Variants in ZFAT observed in about 807,000 individuals in gnomAD.
The protein encoded by ZFAT is zinc finger protein ZFAT.
In ZFAT, 64 loss-of-function variants were observed where a neutral mutation model predicts 117.7. That is an observed-to-expected ratio of 0.54 (90% CI 0.44 to 0.67). The LOEUF is 0.67. Among genes scored for constraint, ZFAT ranks in the 30% least tolerant of loss-of-function variants. ZFAT has a pLI of 0.00. For missense variants in ZFAT, 1,433 were observed against 1,584.5 expected (o/e 0.90, Z 1.62); for synonymous variants, 679 against 615.0 (o/e 1.10, Z -1.54).
At chr8:134,625,090 C>T (rs1201864540) in intron 3 of ZFAT, among the ~76,000 whole-genome samples, 1 of 152,198 alleles carries the variant, frequency 6.6e-6, no homozygotes, top group East Asian at 1.9e-4. Flanking sequence ...TGATTACACC[C>T]ACACTGATTC....
Position 134,544,226 on chromosome 8 carries a change from C to T in ZFAT, c.2977-11254G>A, listed in dbSNP as rs187881772. Among the ~76,000 whole-genome samples, 148 of 152,298 alleles carry T rather than the reference C, an allele frequency of 9.7e-4. 1 individual carries two copies. Among genetic ancestry groups the T allele is most frequent in the African/African-American group, 3.5e-3 (147 of 41,564 alleles). On this transcript the variant is annotated intron_variant, in intron 11 of 15. Coordinates refer to ENST00000377838, the MANE Select transcript of ZFAT (RefSeq NM_020863.4). ...CTCCAGGTCCGCCCTCCACAGGCTG[C>T]AAATCCTTTGAGAGTAGAGTCCACA... is the stretch of plus-strand genomic sequence containing the variant.
intron 11 of ZFAT, among the ~76,000 whole-genome samples, chr8:134,543,268 TAGTC>T (rs1315726654): frequency 6.7e-6 from 1 of 149,718 alleles, no homozygotes; most frequent in Non-Finnish European, 1.5e-5. Flanking sequence ...CTCTCTGTGA[TAGTC>T]AGCCGGGCAC....
At chr8:134,661,064 G>A (rs1049203608) in intron 1 of ZFAT, among the ~76,000 whole-genome samples, 1 of 152,236 alleles carries the variant, frequency 6.6e-6, no homozygotes, top group African/African-American at 2.4e-5. Context: ...AGAAGGCTCC[G>A]CCACGTGACG....
chr8:134,787,494 T>C, the ZFAT span, among the ~76,000 whole-genome samples: 1 of 152,344 alleles, frequency 6.6e-6, no homozygotes, highest in African/African-American at 2.4e-5. Flanking sequence ...GTTACTTTGT[T>C]CTATTTTGTT....
chr8:134,672,057 G>A (rs1368637754), intron 1 of ZFAT, among the ~76,000 whole-genome samples: 1 of 152,134 alleles, frequency 6.6e-6, no homozygotes, highest in Non-Finnish European at 1.5e-5. Context: ...GGGATGTGAA[G>A]GACCTCTTCA....
At chr8:134,795,437 C>A in the ZFAT span, 68 of 151,254 alleles carry the variant, frequency 4.5e-4, no homozygotes, top group African/African-American at 1.6e-3. Context: ...GGTGGATACC[C>A]CTATAATGAA....
At chr8:134,821,580 T>C in the ZFAT span, among the ~76,000 whole-genome samples, 1 of 151,900 alleles carries the variant, frequency 6.6e-6, no homozygotes, top group African/African-American at 2.4e-5. Flanking sequence ...TTTCCCTCAG[T>C]TTGGCAAAAA....
At chr8:134,480,257 C>T (rs1366645620) in intron 15 of ZFAT, among the ~76,000 whole-genome samples, 2 of 152,214 alleles carry the variant, frequency 1.3e-5, no homozygotes, top group Admixed American at 6.5e-5. Flanking sequence ...CCACTACACC[C>T]GGCCTCAACC....
At position 134,564,955 on chromosome 8, in the gene ZFAT, C is replaced by A. The variant is rs16905183; in HGVS notation, c.2976+378G>T. On this transcript the variant is annotated intron_variant, in intron 11 of 15. Transcript: ENST00000377838. Reference sequence around the variant, plus strand: ...TTTTTACAACTGCTTGCCGGGTGGGCTTCATCACACCTGCTTTATCGGGTG... The same window carrying A: ...TTTTTACAACTGCTTGCCGGGTGGGATTCATCACACCTGCTTTATCGGGTG... 3.3e-6 allele frequency: 4 copies of A among 1,219,462 alleles called. No homozygotes were observed. In the South Asian group the frequency reaches 6.0e-5, roughly 18 times the overall value. 75.5% of individuals were successfully genotyped at this position (1,219,462 alleles called of 1,614,324 possible). A position where few individuals can be genotyped will look rare whatever the true frequency, so the allele number is the denominator to read the frequency against.
At chr8:134,581,130 A>G (rs1034611745) in intron 10 of ZFAT, among the ~76,000 whole-genome samples, 4 of 152,140 alleles carry the variant, frequency 2.6e-5, no homozygotes, top group Non-Finnish European at 5.9e-5. Flanking sequence ...AGTTTCTATA[A>G]TAGACATGTT....
chr8:134,619,364 T>C (rs1024396904), intron 3 of ZFAT, among the ~76,000 whole-genome samples: 44 of 152,154 alleles, frequency 2.9e-4, no homozygotes, highest in African/African-American at 8.9e-4. Flanking sequence ...CATAGTAAAG[T>C]TGAAAAACCG....
At chr8:134,749,359 G>T in the ZFAT span, among the ~76,000 whole-genome samples, 1 of 152,162 alleles carries the variant, frequency 6.6e-6, no homozygotes, top group East Asian at 1.9e-4. Flanking sequence ...ATTGCTCATG[G>T]TTCTGAAGGC....
intron 5 of ZFAT, among the ~76,000 whole-genome samples, chr8:134,604,117 C>A (rs1827712299): frequency 6.6e-6 from 1 of 152,160 alleles, no homozygotes; most frequent in Non-Finnish European, 1.5e-5. Context: ...AATGTGTGTG[C>A]TGAATGAGAT....
intron 10 of ZFAT, among the ~76,000 whole-genome samples, chr8:134,569,736 C>T (rs1007947565): frequency 1.3e-5 from 2 of 152,082 alleles, no homozygotes; most frequent in Non-Finnish European, 2.9e-5. Context: ...CAGGTGACCC[C>T]ACAGTGGACC....
chr8:134,502,606 C>A (rs1050138639), intron 15 of ZFAT, among the ~76,000 whole-genome samples: 6 of 152,220 alleles, frequency 3.9e-5, no homozygotes, highest in Non-Finnish European at 8.8e-5. Flanking sequence ...ACACTGCCAA[C>A]CATCACGGGG....
chr8:134,521,949 G>C (rs994733220), intron 12 of ZFAT, among the ~76,000 whole-genome samples: 1 of 152,122 alleles, frequency 6.6e-6, no homozygotes, highest in East Asian at 1.9e-4. Flanking sequence ...TTCCCTAGTC[G>C]CAAACTCTGG....
In ZFAT at chr8:134,601,609, C is replaced by A; in HGVS notation, c.2110G>T (p.Ala704Ser). 3 of 1,614,248 alleles carry A rather than the reference C, an allele frequency of 1.9e-6. No individual in the cohort carries two copies. Among genetic ancestry groups the A allele is most frequent in the South Asian group, 1.1e-5 (1 of 91,086 alleles). ...ATGCCTGACCGGTGCTCAGGGGCAG[C>A]TTTGCAAGAGTCAGGCTGATGTGTG... ...TITHQPDSCK[A>S]APEHRSGITA... is the part of the protein sequence containing the mutation. Residue 704 changes from alanine (A) to serine (S), a missense_variant, in exon 6 of 16, where the codon GCT becomes TCT. By Grantham distance (99) the Ala-to-Ser change is moderately conservative. Transcript: ENST00000377838.
intron 1 of ZFAT, among the ~76,000 whole-genome samples, chr8:134,700,741 A>C (rs1295572512): frequency 3.3e-5 from 5 of 152,142 alleles, no homozygotes; most frequent in African/African-American, 1.2e-4. Context: ...CACTCTGCTC[A>C]AACATCATCC....
intron 1 of ZFAT, among the ~76,000 whole-genome samples, chr8:134,695,178 G>A (rs559132414): frequency 1.3e-5 from 2 of 152,120 alleles, no homozygotes; most frequent in African/African-American, 2.4e-5. Flanking sequence ...CCCAGGGCAA[G>A]GGGGTTGCGT....
Sources: gnomAD v4.1 joint callset for allele counts (sites outside exome capture counted in the v4.1 genomes callset) on GRCh38, gnomAD v4.1.1 for gene constraint, MANE v1.5 for transcripts, NCBI Gene and HGNC (gene_info 2026-07-23, HGNC 2026-07-21) for gene names.